MACROD2: variants seen among roughly 807,000 people sequenced by gnomAD.
MACROD2 encodes the protein ADP-ribose glycohydrolase MACROD2.
A neutral mutation model predicts 70.4 loss-of-function variants in MACROD2; 36 were observed. The ratio of observed to expected loss-of-function variants is 0.51; its 90% CI spans 0.39 to 0.68. The LOEUF is 0.68. Among genes scored for constraint, MACROD2 ranks in the 30% least tolerant of loss-of-function variants. MACROD2 has a pLI of 0.00. For synonymous variants in MACROD2, 172 were observed against 178.8 expected, an observed-to-expected ratio of 0.96 and a Z score of 0.30; for missense variants, 496 against 538.4, an observed-to-expected ratio of 0.92 and a Z score of 0.78.
intron 5 of MACROD2, among the ~76,000 whole-genome samples, chr20:14,699,480 A>G (rs995799997): frequency 2.0e-5 from 3 of 152,146 alleles, no homozygotes; most frequent in African/African-American, 4.8e-5. Context: ...TCTATTTATT[A>G]TTTTGTGTCA....
intron 5 of MACROD2, among the ~76,000 whole-genome samples, chr20:14,794,080 A>G (rs1011400124): frequency 2.6e-5 from 4 of 152,196 alleles, no homozygotes; most frequent in East Asian, 3.9e-4. Flanking sequence ...CTTACTAACT[A>G]GCACAGGTCT....
At chr20:14,628,360 G>A (rs1010890912) in intron 4 of MACROD2, among the ~76,000 whole-genome samples, 1 of 152,052 alleles carries the variant, frequency 6.6e-6, no homozygotes, top group Non-Finnish European at 1.5e-5. Context: ...GCTGAGAAAC[G>A]ATGGCTGGAA....
intron 5 of MACROD2, among the ~76,000 whole-genome samples, chr20:14,812,058 C>T (rs2072720069): frequency 1.3e-5 from 2 of 152,008 alleles, no homozygotes; most frequent in South Asian, 2.1e-4. Flanking sequence ...ACCATTTGAC[C>T]CAGCCATCCC....
At chr20:14,776,820 T>C (rs1175642394) in intron 5 of MACROD2, among the ~76,000 whole-genome samples, 3 of 152,060 alleles carry the variant, frequency 2.0e-5, no homozygotes, top group African/African-American at 7.3e-5. Flanking sequence ...GAACACTTTC[T>C]CCAGTCACTA....
intron 8 of MACROD2, among the ~76,000 whole-genome samples, chr20:15,677,687 C>A (rs1004866584): frequency 5.1e-5 from 1 of 19,542 alleles, no homozygotes; most frequent in Non-Finnish European, 1.3e-4. Flanking sequence ...AACCAACCAA[C>A]CAACCAACCA....
chr20:14,588,905 T>G (rs1212025782), intron 4 of MACROD2, among the ~76,000 whole-genome samples: 1 of 152,238 alleles, frequency 6.6e-6, no homozygotes, highest in East Asian at 1.9e-4. Context: ...ATGCTATTTT[T>G]AGTTGCTTTA....
intron 3 of MACROD2, chr20:14,328,777 A>C (rs1379674070): frequency 3.3e-5 from 5 of 152,122 alleles, no homozygotes; most frequent in Admixed American, 3.3e-4. Context: ...GCTGCAGTTC[A>C]GCATGGTGGG....
chr20:15,360,734 C>A (rs1716838155), intron 6 of MACROD2, among the ~76,000 whole-genome samples: 1 of 152,156 alleles, frequency 6.6e-6, no homozygotes. Flanking sequence ...GCGTTCTTCC[C>A]CCTACCTGTT....
intron 3 of MACROD2, among the ~76,000 whole-genome samples, chr20:14,110,270 A>G (rs996139856): frequency 1.5e-4 from 23 of 152,036 alleles, no homozygotes; most frequent in African/African-American, 5.1e-4. Context: ...CACAGCTGGT[A>G]TCACCCTAAA....
At chr20:15,323,048 G>T (rs988074050) in intron 6 of MACROD2, among the ~76,000 whole-genome samples, 1 of 149,522 alleles carries the variant, frequency 6.7e-6, no homozygotes, top group African/African-American at 2.4e-5. Context: ...TTGGGGTTCA[G>T]TTTTTAGGTA....
At chr20:15,433,752 CA>C (rs140272189) in intron 7 of MACROD2, among the ~76,000 whole-genome samples, 19 of 147,230 alleles carry the variant, frequency 1.3e-4, no homozygotes, top group Non-Finnish European at 1.0e-4. Context: ...TAATATTAAG[CA>C]AAAAAAAAAA....
intron 5 of MACROD2, among the ~76,000 whole-genome samples, chr20:14,700,111 T>C (rs28515093): frequency 0.59 from 89,043 of 151,060 alleles, 26,476 homozygotes; most frequent in East Asian, 0.69. Flanking sequence ...AAAGTTTAAA[T>C]TTTAAATCTA....
chr20:15,128,103 G>T (rs1568588648), intron 5 of MACROD2, among the ~76,000 whole-genome samples: 1 of 152,008 alleles, frequency 6.6e-6, no homozygotes, highest in Admixed American at 6.6e-5. Context: ...CTGAAGTTGG[G>T]TGTCCAACAA....
chr20:15,511,705 C>A (rs1041442076), intron 8 of MACROD2, among the ~76,000 whole-genome samples: 3 of 152,156 alleles, frequency 2.0e-5, no homozygotes, highest in East Asian at 1.9e-4. Flanking sequence ...TTAGGCTGGG[C>A]GGCTTCTTCT....
chr20:15,296,684 A>G (rs1048270530), intron 6 of MACROD2, among the ~76,000 whole-genome samples: 2 of 152,106 alleles, frequency 1.3e-5, no homozygotes, highest in Non-Finnish European at 2.9e-5. Context: ...TTCTGTCCTA[A>G]TAAGACTGTA....
At chr20:15,294,684 C>T (rs951474241) in intron 6 of MACROD2, among the ~76,000 whole-genome samples, 1 of 152,216 alleles carries the variant, frequency 6.6e-6, no homozygotes, top group East Asian at 1.9e-4. Context: ...CTCACTTGGG[C>T]TGCCACAAGG....
intron 4 of MACROD2, among the ~76,000 whole-genome samples, chr20:14,630,061 C>T (rs1984422965): frequency 6.6e-6 from 1 of 152,048 alleles, no homozygotes. Context: ...TTCTCTTAAA[C>T]AGAGGCAAAG....
chr20:14,163,984 A>AT (rs2055228578), intron 3 of MACROD2, among the ~76,000 whole-genome samples: 1 of 151,886 alleles, frequency 6.6e-6, no homozygotes, highest in Admixed American at 6.5e-5. Flanking sequence ...GAATTACTAC[A>AT]TTCTTTTGGA....
intron 8 of MACROD2, among the ~76,000 whole-genome samples, chr20:15,813,464 A>T (rs2063841042): frequency 6.6e-6 from 1 of 152,208 alleles, no homozygotes; most frequent in Admixed American, 6.5e-5. Context: ...AGAATTAAAT[A>T]TATTGTCACA....
Sources: gnomAD v4.1 joint callset for allele counts (sites outside exome capture counted in the v4.1 genomes callset) on GRCh38, gnomAD v4.1.1 for gene constraint, MANE v1.5 for transcripts, NCBI Gene and HGNC (gene_info 2026-07-23, HGNC 2026-07-21) for gene names.